TRAK2: variants seen among roughly 807,000 people sequenced by gnomAD.
The protein encoded by TRAK2 is trafficking kinesin-binding protein 2.
TRAK2 carries 81 observed loss-of-function variants against 104.6 expected under a neutral mutation model. The ratio of observed to expected loss-of-function variants is 0.77; its 90% confidence interval spans 0.65 to 0.93. The LOEUF (loss-of-function observed/expected upper bound fraction) is 0.93, where lower values mean the gene tolerates loss of function less well. TRAK2 is among the 40% of genes least tolerant of loss of function. TRAK2 has a pLI of 0.00. For missense variants in TRAK2, 1,002 were observed against 1,089.0 expected, an observed-to-expected ratio of 0.92 and a Z score of 1.12; for synonymous variants, 406 against 394.4, an observed-to-expected ratio of 1.03 and a Z score of -0.35.
Position 201,386,306 on chromosome 2 carries a change from A to G in TRAK2, c.1875T>C (p.Pro625=). 3.7e-6 allele frequency: 6 copies of G among 1,614,176 alleles called. No individual in the cohort carries two copies. Among genetic ancestry groups the G allele is most frequent in the Non-Finnish European group, 5.1e-6 (6 of 1,180,028 alleles). Residue 625 remains proline (P), a synonymous_variant, in exon 14 of 16, where the codon CCT becomes CCC. Transcript: ENST00000332624. ...TTGAAAGTTTCTCTTCCACTTCAAG[A>G]GGTTGCTGAACCTGAAAAGTAATAC... is the stretch of plus-strand genomic sequence containing the variant. The part of the protein sequence containing the change: ...EEGITFQVQQ[P]LEVEEKLSTS...
rs1461459094 is a variant in TRAK2, at chr2:201,392,924, A to G, written c.1098T>C (p.Tyr366=). Residue 366 remains tyrosine (Y), a synonymous_variant, in exon 10 of 16, where the codon TAT becomes TAC. Coordinates refer to ENST00000332624, the MANE Select transcript of TRAK2 (RefSeq NM_015049.3). ...PTAHLYFSQS[Y]GAFTGESLAA... ...AGTTGCTTACCCCAGTAAAAGCTCC[A>G]TATGATTGGGAGAAGTAGAGATGAG... 1.1e-5 allele frequency: 17 copies of G among 1,612,184 alleles called. No homozygotes were observed. The highest frequency in any genetic ancestry group is 1.4e-5 in the Non-Finnish European group (17 of 1,179,406).
At chr2:201,440,019 G>A (rs1951908088) in intron 1 of TRAK2, among the ~76,000 whole-genome samples, 1 of 149,348 alleles carries the variant, frequency 6.7e-6, no homozygotes, top group South Asian at 2.2e-4. Context: ...CACCAGCATG[G>A]CACATGTATA....
chr2:201,423,080 C>CACACACAT (rs1344511207), intron 1 of TRAK2, among the ~76,000 whole-genome samples: 16 of 150,274 alleles, frequency 1.1e-4, no homozygotes, highest in African/African-American at 3.7e-4. Context: ...CACACACACA[C>CACACACAT]ACACGAGACA....
chr2:201,427,666 T>C (rs1035441510), intron 1 of TRAK2, among the ~76,000 whole-genome samples: 3 of 152,210 alleles, frequency 2.0e-5, no homozygotes, highest in African/African-American at 7.2e-5. Flanking sequence ...GCATGATTTA[T>C]AATCCTTTGG....
At chr2:201,410,833 G>C in intron 2 of TRAK2, 1 of 1,606,118 alleles carries the variant, frequency 6.2e-7, no homozygotes. Context: ...CATATCTGTG[G>C]GTCTTTGTTG....
intron 1 of TRAK2, among the ~76,000 whole-genome samples, chr2:201,450,112 T>A (rs1208922119): frequency 1.3e-5 from 2 of 152,130 alleles, no homozygotes; most frequent in Admixed American, 6.5e-5. Flanking sequence ...GGACATTACT[T>A]AATTTTAAAA....
chr2:201,394,936 T>A, intron 8 of TRAK2, 64 bp from the exon 9 acceptor site: 1 of 1,352,512 alleles, frequency 7.4e-7, no homozygotes, highest in Non-Finnish European at 1.0e-6. Context: ...TTCTCTTTCT[T>A]ATAAAGACAT....
chr2:201,428,472 T>C (rs997141156), intron 1 of TRAK2, among the ~76,000 whole-genome samples: 1 of 152,212 alleles, frequency 6.6e-6, no homozygotes, highest in Non-Finnish European at 1.5e-5. Context: ...AAAGATCAGA[T>C]GGTTGTAGAT....
chr2:201,445,361 TA>T (rs1232001988), intron 1 of TRAK2, among the ~76,000 whole-genome samples: 1 of 151,970 alleles, frequency 6.6e-6, no homozygotes, highest in African/African-American at 2.4e-5. Context: ...CCAAAAGTAC[TA>T]AAAAAAGATA....
intron 1 of TRAK2, among the ~76,000 whole-genome samples, chr2:201,421,747 T>C (rs562061946): frequency 6.6e-6 from 1 of 152,174 alleles, no homozygotes; most frequent in Non-Finnish European, 1.5e-5. Flanking sequence ...TTATACCCTG[T>C]TGATAAAAGT....
At chr2:201,420,863 A>T (rs371522667) in intron 1 of TRAK2, among the ~76,000 whole-genome samples, 157 bp from the exon 2 acceptor site, 1 of 152,268 alleles carries the variant, frequency 6.6e-6, no homozygotes, top group African/African-American at 2.4e-5. Flanking sequence ...CAGACAAAAA[A>T]AGAGTACACA....
chr2:201,384,899 C>T (rs1029370479), intron 14 of TRAK2, among the ~76,000 whole-genome samples: 1 of 152,166 alleles, frequency 6.6e-6, no homozygotes, highest in Admixed American at 6.5e-5. Context: ...CACTGAGATA[C>T]AGTGGTTATC....
At chr2:201,448,640 G>C (rs765027801) in intron 1 of TRAK2, among the ~76,000 whole-genome samples, 1 of 152,184 alleles carries the variant, frequency 6.6e-6, no homozygotes, top group Admixed American at 6.5e-5. Flanking sequence ...CAATAAACAT[G>C]AAATAAGACA....
At chr2:201,401,258 A>G (rs1369836739) in intron 3 of TRAK2, among the ~76,000 whole-genome samples, 164 bp from the exon 4 acceptor site, 4 of 152,094 alleles carry the variant, frequency 2.6e-5, no homozygotes, top group Non-Finnish European at 5.9e-5. Context: ...TTCATGTATT[A>G]GACACTCAAG....
At chr2:201,387,324 C>A (rs1239125946) in intron 13 of TRAK2, among the ~76,000 whole-genome samples, 1 of 152,116 alleles carries the variant, frequency 6.6e-6, no homozygotes, top group Non-Finnish European at 1.5e-5. Flanking sequence ...GTAAAAAACT[C>A]TTTTGAAAAG....
At chr2:201,430,275 C>A (rs377636911) in intron 1 of TRAK2, among the ~76,000 whole-genome samples, 3 of 152,244 alleles carry the variant, frequency 2.0e-5, no homozygotes, top group Admixed American at 6.5e-5. Context: ...ACTCGGGGGT[C>A]AGGGACCCGC....
chr2:201,400,983 C>A, intron 4 of TRAK2, 35 bp downstream of exon 4: 1 of 1,547,738 alleles, frequency 6.5e-7, no homozygotes, highest in South Asian at 1.1e-5. Context: ...TCAAGTTTTA[C>A]CTTTTTGTAC....
intron 1 of TRAK2, among the ~76,000 whole-genome samples, chr2:201,426,196 T>C (rs1160151088): frequency 6.6e-6 from 1 of 152,214 alleles, no homozygotes; most frequent in African/African-American, 2.4e-5. Context: ...CTCGCATTAC[T>C]GCCTGAGCTC....
intron 1 of TRAK2, among the ~76,000 whole-genome samples, chr2:201,439,835 C>CA (rs375243070): frequency 0.031 from 4,451 of 143,542 alleles, 206 homozygotes; most frequent in African/African-American, 0.11. Context: ...ATCGCAAGGA[C>CA]AAAAAACCAA....
Sources: gnomAD v4.1 joint callset for allele counts (sites outside exome capture counted in the v4.1 genomes callset) on GRCh38, gnomAD v4.1.1 for gene constraint, MANE v1.5 for transcripts, NCBI Gene and HGNC (gene_info 2026-07-23, HGNC 2026-07-21) for gene names.